The following RAB30 variants were observed in gnomAD, a reference collection of about 807,000 sequenced individuals.
RAB30 encodes RAB30, member RAS oncogene family, also known as ras-related protein Rab-30.
Under a neutral mutation model 25.1 loss-of-function variants are expected in RAB30, and 9 were observed. The ratio of observed to expected loss-of-function variants is 0.36; its 90% CI spans 0.22 to 0.63. The LOEUF is 0.63. Among genes scored for constraint, RAB30 ranks in the 20% least tolerant of loss-of-function variants. RAB30 has a pLI of 0.69. For missense variants in RAB30, 140 were observed against 243.5 expected, an observed-to-expected ratio of 0.58 and a Z score of 2.83; for synonymous variants, 77 against 86.4, an observed-to-expected ratio of 0.89 and a Z score of 0.60.
chr11:82,999,003 G>A (rs1278610801), intron 1 of RAB30, among the ~76,000 whole-genome samples: 7 of 152,172 alleles, frequency 4.6e-5, no homozygotes, highest in African/African-American at 1.7e-4. Flanking sequence ...TGATGTCTGT[G>A]TAGATTTCAA....
intron 1 of RAB30, among the ~76,000 whole-genome samples, chr11:83,048,309 A>C (rs1017691161): frequency 2.0e-5 from 3 of 151,954 alleles, no homozygotes; most frequent in Non-Finnish European, 4.4e-5. Context: ...GTGAAATCCT[A>C]AAAAAGTAAG....
intron 1 of RAB30, among the ~76,000 whole-genome samples, chr11:83,016,268 G>A (rs1430887075): frequency 6.6e-6 from 1 of 152,150 alleles, no homozygotes; most frequent in Admixed American, 6.5e-5. Context: ...TTGGGGGAGT[G>A]GAGGAGAAAG....
At chr11:83,014,613 CAAAG>C (rs1027897569) in intron 1 of RAB30, among the ~76,000 whole-genome samples, 6 of 37,196 alleles carry the variant, frequency 1.6e-4, no homozygotes, top group African/African-American at 4.3e-4. Flanking sequence ...CAGAGAGAGA[CAAAG>C]AAAGAAAGAA....
rs1430206600 is a variant in RAB30, at chr11:82,973,542, A to C, written c.*8623T>G. The C allele has an allele frequency of 6.6e-6, 1 of 152,244 alleles. No homozygotes were observed. The highest frequency in any genetic ancestry group is 2.4e-5 in the African/African-American group (1 of 41,470). The allele number at this position is 152,244 out of a possible 1,614,324, so 9.4% of individuals were successfully genotyped here. ...TATGTGATGGCAACTCAATTTCTAC[A>C]AGACTGAAACAGTCTTCATGAAATT... On this transcript the variant is annotated 3_prime_UTR_variant, in exon 5 of 5. Transcript: ENST00000527633.
intron 1 of RAB30, among the ~76,000 whole-genome samples, chr11:83,047,038 T>C (rs542256903): frequency 6.6e-6 from 1 of 152,268 alleles, no homozygotes; most frequent in Non-Finnish European, 1.5e-5. Flanking sequence ...TCTGAAACAA[T>C]ACCAAAGGCA....
At chr11:83,069,975 T>C (rs1439103301) in intron 1 of RAB30, among the ~76,000 whole-genome samples, 2 of 152,166 alleles carry the variant, frequency 1.3e-5, no homozygotes, top group Admixed American at 6.5e-5. Flanking sequence ...GAGTTCCTAG[T>C]TGAAGTGGAG....
intron 1 of RAB30, among the ~76,000 whole-genome samples, chr11:82,998,712 A>G (rs1400709056): frequency 6.6e-5 from 8 of 121,332 alleles, no homozygotes; most frequent in Non-Finnish European, 1.2e-4. Flanking sequence ...TTAAATAATG[A>G]AAAAAAAAAA....
intron 1 of RAB30, among the ~76,000 whole-genome samples, chr11:83,026,478 T>A (rs894176967): frequency 2.0e-5 from 3 of 152,140 alleles, no homozygotes; most frequent in Non-Finnish European, 2.9e-5. Flanking sequence ...GTCCTCACTC[T>A]CTCTTGTTTC....
intron 1 of RAB30, among the ~76,000 whole-genome samples, chr11:83,026,393 C>T: frequency 6.6e-6 from 1 of 152,160 alleles, no homozygotes. Context: ...GAATGGTTAG[C>T]ACCATCCCCT....
intron 1 of RAB30, among the ~76,000 whole-genome samples, chr11:83,022,946 T>C (rs1428700557): frequency 6.7e-6 from 1 of 148,686 alleles, no homozygotes; most frequent in East Asian, 1.9e-4. Flanking sequence ...TGGTCCAGCA[T>C]ATATGTATAT....
At position 82,973,544 on chromosome 11, in the gene RAB30, G is replaced by A. The variant is rs1462536033; in HGVS notation, c.*8621C>T. The A allele has an allele frequency of 6.6e-6, 1 of 152,150 alleles. No homozygotes were observed. The highest frequency in any genetic ancestry group is 1.5e-5 in the Non-Finnish European group (1 of 68,020). The allele number at this position is 152,150 out of a possible 1,614,324, so 9.4% of individuals were successfully genotyped here. ...TGTGATGGCAACTCAATTTCTACAA[G>A]ACTGAAACAGTCTTCATGAAATTGA... On this transcript the variant is annotated 3_prime_UTR_variant, in exon 5 of 5. Coordinates refer to ENST00000527633, the MANE Select transcript of RAB30 (RefSeq NM_001286060.2).
chr11:83,000,677 A>C (rs1203900445), intron 1 of RAB30, among the ~76,000 whole-genome samples: 1 of 152,232 alleles, frequency 6.6e-6, no homozygotes. Context: ...GGAGAATGTC[A>C]AAAGTAAAGA....
At chr11:83,005,611 A>T (rs1452221337) in intron 1 of RAB30, among the ~76,000 whole-genome samples, 2 of 152,138 alleles carry the variant, frequency 1.3e-5, no homozygotes, top group Non-Finnish European at 2.9e-5. Context: ...CAAAGTTTGG[A>T]TCTAAAAAAC....
intron 3 of RAB30, among the ~76,000 whole-genome samples, chr11:82,990,756 G>T (rs1856834342): frequency 6.6e-6 from 1 of 151,716 alleles, no homozygotes; most frequent in African/African-American, 2.4e-5. Context: ...AAAGTTCTGT[G>T]TTTTTTCCAT....
intron 1 of RAB30, among the ~76,000 whole-genome samples, chr11:83,009,000 A>G (rs1721471414): frequency 6.6e-6 from 1 of 152,144 alleles, no homozygotes; most frequent in Admixed American, 6.5e-5. Flanking sequence ...ACTCCATCAC[A>G]TAACAATGAA....
intron 3 of RAB30, among the ~76,000 whole-genome samples, chr11:82,988,039 A>C (rs540094962): frequency 2.4e-4 from 36 of 148,024 alleles, no homozygotes; most frequent in South Asian, 1.7e-3. Context: ...TTTCCTTTTC[A>C]TTCTTAAAAA....
Position 82,988,291 on chromosome 11 carries a change from C to T in RAB30, c.178-521G>A, listed in dbSNP as rs142030127. ...TGTGGTCCCAGAGTCCCCGTTCTTACTCACAATGCCATATTACAAAAGGCA... is the reference window on the plus strand; with the variant it reads ...TGTGGTCCCAGAGTCCCCGTTCTTATTCACAATGCCATATTACAAAAGGCA... On this transcript the variant is annotated intron_variant, in intron 3 of 4. Coordinates refer to ENST00000527633, the MANE Select transcript of RAB30 (RefSeq NM_001286060.2). Among the ~76,000 whole-genome samples the T allele has an allele frequency of 2.6e-5, 4 of 152,328 alleles. No individual in the cohort carries two copies. In the East Asian group the frequency reaches 5.8e-4, roughly 22 times the overall value.
At chr11:83,043,304 A>C (rs1858168792) in intron 1 of RAB30, among the ~76,000 whole-genome samples, 1 of 152,222 alleles carries the variant, frequency 6.6e-6, no homozygotes, top group African/African-American at 2.4e-5. Context: ...TAGACCAGCC[A>C]GCTCCTAGTC....
chr11:83,033,128 G>C (rs1857911922), intron 1 of RAB30, among the ~76,000 whole-genome samples: 1 of 130,126 alleles, frequency 7.7e-6, no homozygotes, highest in Non-Finnish European at 1.5e-5. Context: ...GCAACGGCAT[G>C]ACCTCAGCTC....
Sources: gnomAD v4.1 joint callset for allele counts (sites outside exome capture counted in the v4.1 genomes callset) on GRCh38, gnomAD v4.1.1 for gene constraint, MANE v1.5 for transcripts, NCBI Gene and HGNC (gene_info 2026-07-23, HGNC 2026-07-21) for gene names.